The following ATP9A variants were observed in gnomAD, a reference collection of about 807,000 sequenced individuals.
The protein encoded by ATP9A is probable phospholipid-transporting ATPase IIA.
Under a neutral mutation model 144.1 loss-of-function variants are expected in ATP9A, and 52 were observed. The ratio of observed to expected loss-of-function variants is 0.36; its 90% CI spans 0.29 to 0.45. The LOEUF is 0.45. Ranked by LOEUF, ATP9A falls within the 20% of genes least tolerant of loss-of-function variation. The pLI, the probability that ATP9A is intolerant of heterozygous loss-of-function variation, is 1.00. For missense variants in ATP9A, 947 were observed against 1,392.7 expected, an observed-to-expected ratio of 0.68 and a Z score of 5.09; for synonymous variants, 582 against 557.4, an observed-to-expected ratio of 1.04 and a Z score of -0.62.
At chr20:51,687,740 G>C (rs1221626398) in intron 9 of ATP9A, among the ~76,000 whole-genome samples, 1 of 149,228 alleles carries the variant, frequency 6.7e-6, no homozygotes, top group Non-Finnish European at 1.5e-5. Flanking sequence ...CTCCAGCCTG[G>C]GCAACAGAAT....
intron 2 of ATP9A, among the ~76,000 whole-genome samples, chr20:51,726,313 CAAAA>C (rs11476208): frequency 7.3e-4 from 52 of 70,784 alleles, no homozygotes; most frequent in African/African-American, 2.1e-3. Context: ...AACTCTGTCT[CAAAA>C]AAAAAAAAAA....
chr20:51,639,055 G>A (rs562439632), intron 15 of ATP9A, among the ~76,000 whole-genome samples: 1 of 150,944 alleles, frequency 6.6e-6, no homozygotes, highest in East Asian at 2.0e-4. Flanking sequence ...AAAAATACAT[G>A]TTCAATATTA....
At chr20:51,671,433 A>C (rs768791058) in intron 11 of ATP9A, among the ~76,000 whole-genome samples, 176 bp from the exon 12 acceptor site, 1 of 152,210 alleles carries the variant, frequency 6.6e-6, no homozygotes, top group African/African-American at 2.4e-5. Context: ...CCGTCAAGTC[A>C]CACACGGAAC....
At chr20:51,676,305 G>A in intron 9 of ATP9A, 97 bp from the exon 10 acceptor site, 1 of 970,558 alleles carries the variant, frequency 1.0e-6, no homozygotes. Context: ...GAGAGACTGG[G>A]TTCTTTTTTT....
chr20:51,690,614 C>CATA, intron 8 of ATP9A, 125 bp downstream of exon 8: 1 of 805,414 alleles, frequency 1.2e-6, no homozygotes, highest in Non-Finnish European at 2.1e-6. Flanking sequence ...AAGGCGGTGC[C>CATA]TTCTTTATGT....
chr20:51,635,802 G>GAGGGAGGGAGGAAGGAAGGAAGGA (rs774111834), intron 15 of ATP9A, among the ~76,000 whole-genome samples: 3 of 46,698 alleles, frequency 6.4e-5, no homozygotes, highest in African/African-American at 1.4e-4. Flanking sequence ...AGGAGGGGAG[G>GAGGGAGGGAGGAAGGAAGGAAGGA]AGGAAGGAAG....
At chr20:51,628,429 G>A (rs1482789933) in intron 16 of ATP9A, among the ~76,000 whole-genome samples, 1 of 152,154 alleles carries the variant, frequency 6.6e-6, no homozygotes, top group Non-Finnish European at 1.5e-5. Context: ...CTAACAAACA[G>A]AATGGGCAAG....
intron 9 of ATP9A, among the ~76,000 whole-genome samples, chr20:51,679,516 A>G (rs558514751): frequency 1.3e-5 from 2 of 152,038 alleles, no homozygotes; most frequent in South Asian, 2.1e-4. Context: ...CCTCTGCCCA[A>G]TTTGTAACTG....
At chr20:51,608,958 G>A (rs899220249) in intron 24 of ATP9A, among the ~76,000 whole-genome samples, 1 of 37,242 alleles carries the variant, frequency 2.7e-5, no homozygotes, top group Non-Finnish European at 6.2e-5. Flanking sequence ...TGTGTGTAGG[G>A]GGTGATGGTA....
intron 3 of ATP9A, among the ~76,000 whole-genome samples, chr20:51,717,710 C>G (rs1365925560): frequency 1.3e-5 from 2 of 152,102 alleles, no homozygotes; most frequent in African/African-American, 4.8e-5. Context: ...AATCCCAGCA[C>G]TTTGGGAGGC....
chr20:51,707,981 G>A (rs1036654430), intron 4 of ATP9A, among the ~76,000 whole-genome samples: 2 of 151,884 alleles, frequency 1.3e-5, no homozygotes, highest in African/African-American at 4.8e-5. Flanking sequence ...TCCTACCTCA[G>A]CCTCCCAAAG....
intron 4 of ATP9A, among the ~76,000 whole-genome samples, chr20:51,709,516 A>T (rs1162815613): frequency 2.0e-5 from 3 of 152,164 alleles, no homozygotes; most frequent in Non-Finnish European, 4.4e-5. Context: ...TGGGGAAGAA[A>T]AAAAGCAACT....
chr20:51,646,409 G>GA (rs1337441252), intron 14 of ATP9A, among the ~76,000 whole-genome samples: 1 of 152,188 alleles, frequency 6.6e-6, no homozygotes, highest in Non-Finnish European at 1.5e-5. Flanking sequence ...CATTCAATAA[G>GA]ATAAATACTT....
chr20:51,675,257 C>T (rs1218761903), intron 10 of ATP9A, among the ~76,000 whole-genome samples: 1 of 152,136 alleles, frequency 6.6e-6, no homozygotes, highest in Admixed American at 6.5e-5. Context: ...GTAATGATGG[C>T]TGTAACGTCT....
chr20:51,668,413 C>T (rs1285675293), intron 13 of ATP9A, among the ~76,000 whole-genome samples: 5 of 151,976 alleles, frequency 3.3e-5, no homozygotes, highest in African/African-American at 7.2e-5. Flanking sequence ...CATTCGGCTA[C>T]GTTATAATCC....
chr20:51,718,364 A>ATG (rs1427045821), intron 3 of ATP9A, among the ~76,000 whole-genome samples: 10 of 141,696 alleles, frequency 7.1e-5, no homozygotes, highest in Admixed American at 2.9e-4. Flanking sequence ...TCATCACCCT[A>ATG]TGTGTGTGTG....
chr20:51,603,937 C>T (rs190006801), intron 27 of ATP9A, among the ~76,000 whole-genome samples: 4 of 152,236 alleles, frequency 2.6e-5, no homozygotes, highest in African/African-American at 7.2e-5. Flanking sequence ...TGTGCCACCA[C>T]GCCCTGCTGA....
rs908413521 is a variant in ATP9A at position 51,670,090 on chromosome 20, C to T, written c.1200G>A (p.Glu400=). 4.3e-6 allele frequency: 7 copies of T among 1,614,024 alleles called. No homozygotes were observed. The African/African-American group carries it at 9.3e-5, about 22-fold the overall frequency. ...TDKTGTLTQN[E]MIFKRLHLGT... ...CGAGATGGAGCCGTTTGAAAATCAT[C>T]TCGTTCTGGGTAAGAGTGCCTAAAA... Residue 400 remains glutamate, a synonymous_variant, in exon 13 of 28, where the codon GAG becomes GAA. Transcript: ENST00000338821.
At chr20:51,653,793 C>T (rs1217519011) in intron 14 of ATP9A, among the ~76,000 whole-genome samples, 2 of 151,694 alleles carry the variant, frequency 1.3e-5, no homozygotes, top group Admixed American at 6.6e-5. Context: ...AGGCCTGGCA[C>T]GGTGGCTCAC....
Sources: gnomAD v4.1 joint callset for allele counts (sites outside exome capture counted in the v4.1 genomes callset) on GRCh38, gnomAD v4.1.1 for gene constraint, MANE v1.5 for transcripts, NCBI Gene and HGNC (gene_info 2026-07-23, HGNC 2026-07-21) for gene names.